Variants in FGFR3 observed in about 807,000 individuals in gnomAD.
FGFR3 encodes fibroblast growth factor receptor 3, also known as FGFR-3.
FGFR3 carries 25 observed loss-of-function variants against 82.9 expected under a neutral mutation model. The ratio of observed to expected loss-of-function variants is 0.30; its 90% CI spans 0.22 to 0.42. The LOEUF (loss-of-function observed/expected upper bound fraction) is 0.42, where lower values mean the gene tolerates loss of function less well. Ranked by LOEUF, FGFR3 falls within the 10% of genes least tolerant of loss-of-function variation. The probability of loss-of-function intolerance (pLI) is 1.00; values close to 1 mark genes in which losing one functional copy is unlikely to be tolerated. For synonymous variants in FGFR3, 620 were observed against 516.0 expected (o/e 1.20, Z -2.73); for missense variants, 1,026 against 1,161.0 (o/e 0.88, Z 1.69).
At chr4:1,798,598 G>GC (rs1720810851) in intron 2 of FGFR3, among the ~76,000 whole-genome samples, 1 of 143,430 alleles carries the variant, frequency 7.0e-6, no homozygotes, top group Non-Finnish European at 1.5e-5. Context: ...CCCGCGCATC[G>GC]CCCCCCAGAC....
In FGFR3 at chr4:1,804,455, C is replaced by T. The variant is rs762705505; in HGVS notation, c.1201C>T (p.Pro401Ser). 6.2e-6 allele frequency: 10 copies of T among 1,612,958 alleles called. No individual in the cohort carries two copies. The Admixed American group carries it at 1.2e-4, about 19-fold the overall frequency. The stretch of plus-strand genomic sequence containing the variant: ...TGTGACGCTCTGCCGCCTGCGCAGC[C>T]CCCCCAAGAAAGGCCTGGGCTCCCC... ...AAVTLCRLRS[P>S]PKKGLGSPTV... is the part of the protein sequence containing the mutation. Residue 401 changes from proline to serine, a missense_variant, in exon 9 of 18, where the codon CCC becomes TCC. Transcript: ENST00000440486.
Position 1,807,155 on chromosome 4 carries a change from C to T in FGFR3, c.2314C>T (p.Pro772Ser), listed in dbSNP as rs748492376. The change falls in exon 18 of 18, where the codon CCG (proline) becomes TCG (serine). Residue 772 changes from proline to serine, a missense_variant. Around this residue, in one of 9 missense-constraint regions of FGFR3, gnomAD observed 155 missense variants for 150.2 expected, o/e 1.03. Coordinates refer to ENST00000440486, the MANE Select transcript of FGFR3 (RefSeq NM_000142.5). Reference sequence around the variant, plus strand: ...GTCGGCGCCTTTCGAGCAGTACTCCCCGGGTGGCCAGGACACCCCCAGCTC... The same window carrying T: ...GTCGGCGCCTTTCGAGCAGTACTCCTCGGGTGGCCAGGACACCCCCAGCTC... ...DLSAPFEQYSPGGQDTPSSSS... is the reference protein window; with the variant it reads ...DLSAPFEQYSSGGQDTPSSSS... 2 of 1,599,542 alleles carry T rather than the reference C, an allele frequency of 1.3e-6. No individual in the cohort carries two copies. Among genetic ancestry groups the T allele is most frequent in the Non-Finnish European group, 1.7e-6 (2 of 1,173,836 alleles).
Position 1,805,555 on chromosome 4 carries a change from A to AC in FGFR3, c.1535-3dup. The AC allele has an allele frequency of 6.2e-7, 1 of 1,613,026 alleles. No homozygotes were observed. Among genetic ancestry groups the AC allele is most frequent in the Non-Finnish European group, 8.5e-7 (1 of 1,179,814 alleles). ...CTGACACAGGCCCCCCGCTCCGTGC[A>AC]CAGACGATGCCACTGACAAGGACCT... is the stretch of plus-strand genomic sequence containing the variant. On this transcript the variant is annotated splice_polypyrimidine_tract_variant and splice_region_variant and intron_variant, in intron 11 of 17. Transcript: ENST00000440486.
rs62286988 is a variant in FGFR3, at chr4:1,797,010, G to C, written c.110-2244G>C. On this transcript the variant is annotated intron_variant, in intron 2 of 17. Transcript: ENST00000440486. The stretch of plus-strand genomic sequence containing the variant: ...CGGCACTGTGTGGGGTTGGGGCGCC[G>C]GCAGGAGCACGTGTTGTGGGATCCA... Among the ~76,000 whole-genome samples the C allele has an allele frequency of 7.6e-3, 1,158 of 152,252 alleles. 6 individuals carry two copies. Among genetic ancestry groups the C allele is most frequent in the Non-Finnish European group, 0.013 (909 of 68,012 alleles).
chr4:1,794,829 C>G (rs1249443171), intron 2 of FGFR3, among the ~76,000 whole-genome samples: 2 of 151,582 alleles, frequency 1.3e-5, no homozygotes. Context: ...TCCGGACGGG[C>G]GAGGGGGGCG....
intron 7 of FGFR3, among the ~76,000 whole-genome samples, chr4:1,802,403 G>A (rs892323176): frequency 5.3e-5 from 8 of 152,310 alleles, no homozygotes; most frequent in Middle Eastern, 3.4e-3. Flanking sequence ...CGACCTGGCC[G>A]ATTGGCTCTC....
In FGFR3 at chr4:1,804,514, G is replaced by A. The variant is rs369368608; in HGVS notation, c.1260G>A (p.Lys420=). 1.2e-6 allele frequency: 2 copies of A among 1,612,494 alleles called. No homozygotes were observed. Among genetic ancestry groups the A allele is most frequent in the East Asian group, 2.2e-5 (1 of 44,882 alleles). ...TVHKISRFPL[K]RQVSLESNAS... is the part of the protein sequence containing the mutation. ...ACAAGATCTCCCGCTTCCCGCTCAA[G>A]CGACAGGTAACAGAAAGTAGATACC... The change falls in exon 9 of 18, where the codon AAG becomes AAA. Residue 420 remains lysine, a synonymous_variant. Coordinates refer to ENST00000440486, the MANE Select transcript of FGFR3 (RefSeq NM_000142.5).
intron 1 of FGFR3, 33 bp from the exon 2 acceptor site, chr4:1,793,800 C>T (rs1023880935): frequency 1.2e-5 from 2 of 168,978 alleles, no homozygotes; most frequent in African/African-American, 4.8e-5. Flanking sequence ...TCCCTGTCCG[C>T]CCCTCTAACG....
chr4:1,795,008 C>G (rs1412668827), intron 2 of FGFR3, among the ~76,000 whole-genome samples: 1 of 151,716 alleles, frequency 6.6e-6, no homozygotes, highest in African/African-American at 2.4e-5. Context: ...ACCGCGGGCG[C>G]GGCGGGCCGG....
At chr4:1,796,203 C>G (rs1420134083) in intron 2 of FGFR3, among the ~76,000 whole-genome samples, 2 of 152,184 alleles carry the variant, frequency 1.3e-5, no homozygotes, top group African/African-American at 4.8e-5. Flanking sequence ...AGGCTGCCAG[C>G]TCAGGCTCGG....
chr4:1,801,411 C>G lies in FGFR3; in HGVS notation c.490C>G (p.Leu164Val), dbSNP rs577990843. 1.8e-4 allele frequency: 285 copies of G among 1,553,526 alleles called. 2 individuals are homozygous for G. The East Asian group carries it at 6.4e-3, about 35-fold the overall frequency. ...GCCCGAGCGGATGGACAAGAAGCTGCTGGCCGTGCCGGCCGCCAACACCGT... is the reference window on the plus strand; with the variant it reads ...GCCCGAGCGGATGGACAAGAAGCTGGTGGCCGTGCCGGCCGCCAACACCGT... Reference protein sequence around the residue: ...TRPERMDKKLLAVPAANTVRF... With the variant: ...TRPERMDKKLVAVPAANTVRF... Residue 164 changes from leucine to valine, a missense_variant, in exon 5 of 18, where the codon CTG becomes GTG. Physicochemically the swap from Leu to Val is conservative, Grantham distance 32. This residue lies in a region of FGFR3 where 147 missense variants were observed against 228.1 expected (regional missense o/e 0.64). Transcript: ENST00000440486.
chr4:1,807,979 A>G lies in FGFR3; in HGVS notation c.*717A>G, dbSNP rs527836723. 1.0e-4 allele frequency: 25 copies of G among 245,726 alleles called. No homozygotes were observed. The East Asian group carries it at 1.4e-3, about 14-fold the overall frequency. 15.2% of individuals were successfully genotyped at this position (245,726 alleles called of 1,614,324 possible). ...CTGCGACCCTGGGGGCACAGGAGGCAGGCATGGCCCTGGGCGGGGCGTGGG... is the reference window on the plus strand; with the variant it reads ...CTGCGACCCTGGGGGCACAGGAGGCGGGCATGGCCCTGGGCGGGGCGTGGG... On this transcript the variant is annotated 3_prime_UTR_variant, in exon 18 of 18. Transcript: ENST00000440486.
chr4:1,804,724 A>C, intron 9 of FGFR3, 100 bp from the exon 10 acceptor site: 2 of 1,468,548 alleles, frequency 1.4e-6, no homozygotes, highest in Non-Finnish European at 1.9e-6. Context: ...TGCTGGTGGA[A>C]GTCAGAACGC....
chr4:1,802,767 T>A, intron 7 of FGFR3: 1 of 1,013,794 alleles, frequency 9.9e-7, no homozygotes, highest in Non-Finnish European at 1.4e-6. Flanking sequence ...ACAGCCACCG[T>A]GAAGTGCCTC....
At position 1,799,491 on chromosome 4, in the gene FGFR3, G is replaced by A. The variant is rs569221269; in HGVS notation, c.347G>A (p.Arg116His). The change falls in exon 3 of 18, where the codon CGC (arginine) becomes CAC (histidine). Residue 116 changes from arginine (R) to histidine (H), a missense_variant. Arg to His is a conservative substitution (Grantham distance 29, BLOSUM62 0). Coordinates refer to ENST00000440486, the MANE Select transcript of FGFR3 (RefSeq NM_000142.5). The part of the protein sequence containing the change: ...AYSCRQRLTQ[R>H]VLCHFSVRVT... ...AGCTGCCGGCAGCGGCTCACGCAGC[G>A]CGTACTGTGCCACTTCAGTGTGCGG... The A allele has an allele frequency of 6.5e-5, 102 of 1,568,394 alleles. No homozygotes were observed. Among genetic ancestry groups the A allele is most frequent in the African/African-American group, 8.1e-5 (6 of 73,840 alleles).
Position 1,805,917 on chromosome 4 carries a change from A to G in FGFR3, c.1813A>G (p.Met605Val). The G allele has an allele frequency of 6.2e-7, 1 of 1,611,208 alleles. No individual in the cohort carries two copies. Among genetic ancestry groups the G allele is most frequent in the South Asian group, 1.1e-5 (1 of 90,922 alleles). The change falls in exon 13 of 18, where the codon ATG (methionine) becomes GTG (valine). Residue 605 changes from methionine (M) to valine (V), a missense_variant. By Grantham distance (21) the Met-to-Val change is conservative (BLOSUM62 1). Transcript: ENST00000440486. ...VSCAYQVARG[M>V]EYLASQKCIH... Reference sequence around the variant, plus strand: ...CTGTGCCTACCAGGTGGCCCGGGGCATGGAGTACTTGGCCTCCCAGAAGGT... The same window carrying G: ...CTGTGCCTACCAGGTGGCCCGGGGCGTGGAGTACTTGGCCTCCCAGAAGGT...
chr4:1,802,169 A>C (rs1250377792), intron 7 of FGFR3, 144 bp downstream of exon 7: 1 of 886,782 alleles, frequency 1.1e-6, no homozygotes, highest in Non-Finnish European at 1.8e-6. Context: ...TTGTGGGGCC[A>C]AGTCTCAGCC....
In FGFR3 at chr4:1,806,336, C is replaced by T. The variant is rs373627757; in HGVS notation, c.2030+9C>T. The T allele has an allele frequency of 1.2e-6, 2 of 1,612,854 alleles. No homozygotes were observed. The highest frequency in any genetic ancestry group is 1.7e-6 in the Non-Finnish European group (2 of 1,179,960). On this transcript the variant is annotated intron_variant, in intron 15 of 17. Coordinates refer to ENST00000440486, the MANE Select transcript of FGFR3 (RefSeq NM_000142.5). ...ACTCACCAGAGTGACGTGTACGTGT[C>T]CTGCAGAGCTCAGGCTTCAGGGGTG...
At position 1,805,409 on chromosome 4, in the gene FGFR3, G is replaced by C. The variant is rs773808293; in HGVS notation, c.1467G>C (p.Ala489=). The change falls in exon 11 of 18, where the codon GCG becomes GCC. Residue 489 remains alanine, a synonymous_variant. Transcript: ENST00000440486. ...GCTGCTTCGGCCAGGTGGTCATGGC[G>C]GAGGCCATCGGCATTGACAAGGACC... ...GEGCFGQVVM[A]EAIGIDKDRA... is the part of the protein sequence containing the mutation. 1 of 1,612,350 alleles carries C rather than the reference G, an allele frequency of 6.2e-7. No homozygotes were observed. The highest frequency in any genetic ancestry group is 1.1e-5 in the South Asian group (1 of 91,020).
Sources: gnomAD v4.1 joint callset for allele counts (sites outside exome capture counted in the v4.1 genomes callset) on GRCh38, gnomAD v4.1.1 for gene constraint, gnomAD v4.1.1 regional missense constraint, MANE v1.5 for transcripts, NCBI Gene and HGNC (gene_info 2026-07-23, HGNC 2026-07-21) for gene names.